Variants in CNOT9 observed in about 807,000 individuals in gnomAD.
CNOT9 encodes the protein CCR4-NOT transcription complex subunit 9.
In CNOT9, 8 loss-of-function variants were observed where a neutral mutation model predicts 37.4. That is an observed-to-expected ratio of 0.21 (90% CI 0.13 to 0.39). CNOT9 has a LOEUF of 0.39. CNOT9 is among the 10% of genes least tolerant of loss of function. CNOT9 has a pLI of 1.00. For missense variants in CNOT9, 154 were observed against 365.3 expected (o/e 0.42, Z 4.71); for synonymous variants, 120 against 137.6 (o/e 0.87, Z 0.90).
chr2:218,576,491 A>G (rs549767437), intron 1 of CNOT9, among the ~76,000 whole-genome samples: 24 of 152,316 alleles, frequency 1.6e-4, no homozygotes, highest in African/African-American at 5.1e-4. Context: ...TCTGAAAACA[A>G]TACCTATTAA....
At chr2:218,578,566 A>G (rs1036876276) in intron 1 of CNOT9, among the ~76,000 whole-genome samples, 3 of 152,188 alleles carry the variant, frequency 2.0e-5, no homozygotes, top group African/African-American at 7.2e-5. Flanking sequence ...GGAATATGCA[A>G]CTTCATACCT....
At chr2:218,577,740 A>G (rs1452596329) in intron 1 of CNOT9, among the ~76,000 whole-genome samples, 1 of 152,180 alleles carries the variant, frequency 6.6e-6, no homozygotes, top group Non-Finnish European at 1.5e-5. Flanking sequence ...ACTGCAAGTC[A>G]CACACTGGCT....
intron 1 of CNOT9, among the ~76,000 whole-genome samples, chr2:218,571,738 A>AT (rs34883423): frequency 0.51 from 61,973 of 122,514 alleles, 16,445 homozygotes; most frequent in East Asian, 0.75. Context: ...CGCCTGGCTA[A>AT]TTTTTTTTTT....
intron 1 of CNOT9, among the ~76,000 whole-genome samples, chr2:218,569,632 A>C (rs1559240317): frequency 6.6e-6 from 1 of 152,224 alleles, no homozygotes; most frequent in South Asian, 2.1e-4. Flanking sequence ...ATGATGTGGT[A>C]CTTAACCCAC....
Position 218,586,164 on chromosome 2 carries a change from A to G in CNOT9, c.431-1422A>G, listed in dbSNP as rs147241903. Among the ~76,000 whole-genome samples the G allele has an allele frequency of 8.3e-3, 1,257 of 152,288 alleles. 12 individuals carry two copies. Among genetic ancestry groups the G allele is most frequent in the African/African-American group, 0.028 (1,184 of 41,554 alleles). ...GATCTATAGATTCAGAGTAATTCCA[A>G]CAAAATCCCAGCAGCACTTTTTTTA... On this transcript the variant is annotated intron_variant, in intron 4 of 7. Transcript: ENST00000273064.
Sources: gnomAD v4.1 joint callset for allele counts (sites outside exome capture counted in the v4.1 genomes callset) on GRCh38, gnomAD v4.1.1 for gene constraint, MANE v1.5 for transcripts, NCBI Gene and HGNC (gene_info 2026-07-23, HGNC 2026-07-21) for gene names.